The following ROCK1 variants were observed in gnomAD, a reference collection of about 807,000 sequenced individuals.
ROCK1 encodes Rho associated coiled-coil containing protein kinase 1.
Under a neutral mutation model 196.8 loss-of-function variants are expected in ROCK1, and 36 were observed. The ratio of observed to expected loss-of-function variants is 0.18; its 90% CI spans 0.14 to 0.24. ROCK1 has a LOEUF of 0.24. Among genes scored for constraint, ROCK1 ranks in the 10% least tolerant of loss-of-function variants. The pLI, the probability that ROCK1 is intolerant of heterozygous loss-of-function variation, is 1.00. For missense variants in ROCK1, 920 were observed against 1,562.0 expected (o/e 0.59, Z 6.93); for synonymous variants, 443 against 515.9 (o/e 0.86, Z 1.91).
Position 21,049,300 on chromosome 18 carries a change from T to C in ROCK1, c.277-71A>G, listed in dbSNP as rs1249778694. On this transcript the variant is annotated intron_variant, in intron 3 of 32. Transcript: ENST00000399799. ...AAAGCTCAAGGTTTCACAGAACAAT[T>C]TACTAAGTGCTTTTAATACTTGCTA... 13 of 1,187,642 alleles carry C rather than the reference T, an allele frequency of 1.1e-5. 1 individual carries two copies. Among genetic ancestry groups the C allele is most frequent in the Non-Finnish European group, 1.5e-5 (13 of 879,368 alleles). The allele number at this position is 1,187,642 out of a possible 1,614,324, so 73.6% of individuals were successfully genotyped here.
At chr18:21,065,049 G>A (rs1317542541) in intron 2 of ROCK1, among the ~76,000 whole-genome samples, 3 of 152,174 alleles carry the variant, frequency 2.0e-5, no homozygotes, top group Non-Finnish European at 2.9e-5. Context: ...AACATCATAC[G>A]ATGCAAAGAA....
chr18:20,976,116 C>G (rs2035478079), intron 22 of ROCK1, among the ~76,000 whole-genome samples: 1 of 151,834 alleles, frequency 6.6e-6, no homozygotes, highest in Non-Finnish European at 1.5e-5. Flanking sequence ...AATTTGCTAC[C>G]TGAGAGGACC....
intron 29 of ROCK1, among the ~76,000 whole-genome samples, chr18:20,959,204 C>CATAAT (rs2035301561): frequency 1.6e-5 from 1 of 61,996 alleles, no homozygotes; most frequent in African/African-American, 6.7e-5. Context: ...ATATATAATA[C>CATAAT]ATATAATATA....
intron 2 of ROCK1, among the ~76,000 whole-genome samples, chr18:21,062,920 CAT>C (rs202071640): frequency 0.029 from 4,391 of 152,238 alleles, 230 homozygotes; most frequent in African/African-American, 0.097. Flanking sequence ...GCAGTAAAAA[CAT>C]AAATGCCCCT....
chr18:21,045,887 ACAGTTT>A (rs935638695), intron 4 of ROCK1, among the ~76,000 whole-genome samples: 11 of 144,228 alleles, frequency 7.6e-5, no homozygotes, highest in Non-Finnish European at 1.7e-4. Flanking sequence ...AATTTGGCTT[ACAGTTT>A]CAGCTGTTTT....
rs35799573 is a variant in ROCK1, at chr18:21,092,580, T to TAA, written c.93+18236_93+18237dup. On this transcript the variant is annotated intron_variant, in intron 1 of 32. Coordinates refer to ENST00000399799, the MANE Select transcript of ROCK1 (RefSeq NM_005406.3). ...GCCTGGGTAAGCAAGACCTCATCTT[T>TAA]AAAAAAAAAAAAAAAAAAAAAAAAC... 4.9e-4 allele frequency among the ~76,000 whole-genome samples: 40 copies of TAA among 81,082 alleles called. 1 individual carries two copies. Among genetic ancestry groups the TAA allele is most frequent in the African/African-American group, 1.1e-3 (21 of 19,296 alleles). 53.2% of individuals were successfully genotyped at this position (81,082 alleles called of 152,430 possible).
At chr18:21,053,787 T>C (rs2036224299) in intron 2 of ROCK1, among the ~76,000 whole-genome samples, 1 of 152,058 alleles carries the variant, frequency 6.6e-6, no homozygotes, top group Non-Finnish European at 1.5e-5. Flanking sequence ...CAGTGAGCTA[T>C]GAATGTGCCA....
intron 20 of ROCK1, among the ~76,000 whole-genome samples, chr18:20,983,514 A>G (rs2035551716): frequency 2.0e-5 from 3 of 152,072 alleles, no homozygotes; most frequent in Non-Finnish European, 4.4e-5. Flanking sequence ...ACTGTATAAT[A>G]TGAAAGCCTA....
chr18:20,967,878 A>G lies in ROCK1; in HGVS notation c.3066T>C (p.Ala1022=). ...RKDFKIDRKK[A]NTQDLRKKEK... ...CTTTCTTTCTCAAATCTTGTGTATTAGCTTTCTTTCTATCAATTTTAAAAT... is the reference window on the plus strand; with the variant it reads ...CTTTCTTTCTCAAATCTTGTGTATTGGCTTTCTTTCTATCAATTTTAAAAT... The change falls in exon 26 of 33, where the codon GCT becomes GCC. Residue 1022 remains alanine (A), a synonymous_variant. Transcript: ENST00000399799. The G allele has an allele frequency of 6.3e-7, 1 of 1,599,170 alleles. No individual in the cohort carries two copies. Among genetic ancestry groups the G allele is most frequent in the Non-Finnish European group, 8.5e-7 (1 of 1,171,410 alleles).
At chr18:21,048,073 T>G (rs1337767192) in intron 4 of ROCK1, among the ~76,000 whole-genome samples, 1 of 152,126 alleles carries the variant, frequency 6.6e-6, no homozygotes, top group Non-Finnish European at 1.5e-5. Flanking sequence ...AAAACCCCAC[T>G]TGACCCCATG....
chr18:21,067,575 T>C (rs1207769416), intron 2 of ROCK1, among the ~76,000 whole-genome samples: 1 of 151,916 alleles, frequency 6.6e-6, no homozygotes, highest in Non-Finnish European at 1.5e-5. Context: ...TTAGTAGAGA[T>C]GGGGTTTCGC....
At chr18:21,082,195 C>G (rs1188784125) in intron 1 of ROCK1, among the ~76,000 whole-genome samples, 1 of 152,042 alleles carries the variant, frequency 6.6e-6, no homozygotes, top group Admixed American at 6.6e-5. Context: ...TTGCCTTGGC[C>G]TCCCAAAGTG....
chr18:20,976,323 T>G (rs1409284798), intron 22 of ROCK1, among the ~76,000 whole-genome samples: 2 of 152,354 alleles, frequency 1.3e-5, no homozygotes, highest in Non-Finnish European at 2.9e-5. Context: ...GGCTTTGTTC[T>G]TGTTCACACA....
intron 15 of ROCK1, 36 bp from the exon 16 acceptor site, chr18:21,006,633 C>T (rs770960998): frequency 6.2e-7 from 1 of 1,600,294 alleles, no homozygotes; most frequent in Non-Finnish European, 8.5e-7. Flanking sequence ...AGGTTTCTGA[C>T]CAAAGTACGA....
At chr18:21,019,366 G>T (rs1157078183) in intron 12 of ROCK1, among the ~76,000 whole-genome samples, 3 of 152,084 alleles carry the variant, frequency 2.0e-5, no homozygotes, top group Non-Finnish European at 2.9e-5. Flanking sequence ...TGTTGGCCTG[G>T]CTGGTCTTGA....
chr18:21,043,842 G>C (rs2036132262), intron 6 of ROCK1, among the ~76,000 whole-genome samples: 1 of 151,838 alleles, frequency 6.6e-6, no homozygotes, highest in African/African-American at 2.4e-5. Context: ...GTGTATATTA[G>C]AGTTGTTATG....
Position 20,998,084 on chromosome 18 carries a change from G to A in ROCK1, c.1886-5147C>T, listed in dbSNP as rs541430577. On this transcript the variant is annotated intron_variant, in intron 16 of 32. Transcript: ENST00000399799. ...ACTTCTGACCTCAAGTGATCCACCC[G>A]CCTCGGCCTCCCAAAGTGCTGGGAT... Among the ~76,000 whole-genome samples the A allele has an allele frequency of 1.1e-4, 17 of 152,114 alleles. No homozygotes were observed. The East Asian group carries it at 1.9e-3, about 17-fold the overall frequency.
At chr18:21,027,484 A>T (rs8099337) in intron 10 of ROCK1, among the ~76,000 whole-genome samples, 1 of 152,226 alleles carries the variant, frequency 6.6e-6, no homozygotes, top group African/African-American at 2.4e-5. Context: ...TAAAGCTAAC[A>T]TGAACTCATA....
At chr18:21,095,940 C>T (rs1421249331) in intron 1 of ROCK1, among the ~76,000 whole-genome samples, 1 of 151,156 alleles carries the variant, frequency 6.6e-6, no homozygotes, top group African/African-American at 2.4e-5. Context: ...TCAAAACATC[C>T]CATGTACCCC....
Sources: gnomAD v4.1 joint callset for allele counts (sites outside exome capture counted in the v4.1 genomes callset) on GRCh38, gnomAD v4.1.1 for gene constraint, MANE v1.5 for transcripts, NCBI Gene and HGNC (gene_info 2026-07-23, HGNC 2026-07-21) for gene names.